NRBP1: variants seen among roughly 807,000 people sequenced by gnomAD.
NRBP1 encodes the protein nuclear receptor-binding protein.
A neutral mutation model predicts 76.0 loss-of-function variants in NRBP1; 10 were observed. That is an observed-to-expected ratio of 0.13 (90% CI 0.08 to 0.22). The LOEUF (loss-of-function observed/expected upper bound fraction) is 0.22, where lower values mean the gene tolerates loss of function less well. Among genes scored for constraint, NRBP1 ranks in the 10% least tolerant of loss-of-function variants. The probability of loss-of-function intolerance (pLI) is 1.00; values close to 1 mark genes in which losing one functional copy is unlikely to be tolerated. For synonymous variants in NRBP1, 235 were observed against 240.2 expected, an observed-to-expected ratio of 0.98 and a Z score of 0.20; for missense variants, 344 against 646.0, an observed-to-expected ratio of 0.53 and a Z score of 5.07.
chr2:27,433,928 C>T, intron 3 of NRBP1, 61 bp from the exon 4 acceptor site: 1 of 1,587,038 alleles, frequency 6.3e-7, no homozygotes, highest in African/African-American at 1.4e-5. Flanking sequence ...TAGGGAATGG[C>T]TTCTCAGGAT....
intron 4 of NRBP1, 107 bp from the exon 5 acceptor site, chr2:27,434,364 G>C: frequency 1.1e-6 from 1 of 873,460 alleles, no homozygotes; most frequent in African/African-American, 1.7e-5. Flanking sequence ...GTAAAGCTAA[G>C]AACAAAAGGA....
chr2:27,434,232 G>T, intron 4 of NRBP1, 142 bp downstream of exon 4: 2 of 762,668 alleles, frequency 2.6e-6, no homozygotes, highest in Non-Finnish European at 2.2e-6. Flanking sequence ...TAAGAGTAGG[G>T]CTTCAGTTGT....
intron 16 of NRBP1, 111 bp from the exon 17 acceptor site, chr2:27,441,456 C>T (rs984884758): frequency 6.9e-7 from 1 of 1,448,230 alleles, no homozygotes; most frequent in East Asian, 2.3e-5. Context: ...TATCTTAGAC[C>T]CTAAAGCAGT....
chr2:27,428,877 C>G (rs1663980482), intron 1 of NRBP1, 146 bp downstream of exon 1: 1 of 397,014 alleles, frequency 2.5e-6, no homozygotes, highest in South Asian at 1.3e-4. Flanking sequence ...CCGATCGGGC[C>G]CTGCCTGCTG....
At chr2:27,436,402 A>G (rs760428199) in intron 7 of NRBP1, 16 of 235,254 alleles carry the variant, frequency 6.8e-5, no homozygotes, top group Non-Finnish European at 1.2e-4. Flanking sequence ...CAGGGATTAG[A>G]GGTACCTGGG....
rs1664554455 is a variant in NRBP1 at position 27,441,444 on chromosome 2, ACTAT to A, written c.1447+117_1448-117del. 3 of 1,417,370 alleles carry A rather than the reference ACTAT, an allele frequency of 2.1e-6. No homozygotes were observed. The East Asian group carries it at 6.8e-5, about 32-fold the overall frequency. 87.8% of individuals were successfully genotyped at this position (1,417,370 alleles called of 1,614,324 possible). A position where few individuals can be genotyped will look rare whatever the true frequency, so the allele number is the denominator to read the frequency against. ...GTAACACATTGACTCACATAGAATG[ACTAT>A]CTTAGACCCTAAAGCAGTGGGTGGA... On this transcript the variant is annotated intron_variant, in intron 16 of 17. Coordinates refer to ENST00000379852, the MANE Select transcript of NRBP1 (RefSeq NM_013392.4).
intron 3 of NRBP1, 71 bp from the exon 4 acceptor site, chr2:27,433,918 T>G: frequency 6.3e-7 from 1 of 1,593,014 alleles, no homozygotes; most frequent in Non-Finnish European, 8.6e-7. Flanking sequence ...TGGGGAGGGA[T>G]AGGGAATGGC....
In NRBP1 at chr2:27,440,416, G is replaced by A. The variant is rs1664490424; in HGVS notation, c.1050G>A (p.Glu350=). The A allele has an allele frequency of 6.2e-7, 1 of 1,611,928 alleles. No individual in the cohort carries two copies. Among genetic ancestry groups the A allele is most frequent in the East Asian group, 2.2e-5 (1 of 44,856 alleles). The part of the protein sequence containing the change: ...CIVGHQHMIP[E]NALEEITKNM... ...CATGCCCTCCAGACATGATCCCAGA[G>A]AACGCTCTAGAGGAGATCACCAAAA... is the stretch of plus-strand genomic sequence containing the variant. The change falls in exon 12 of 18, where the codon GAG becomes GAA. Residue 350 remains glutamate, a synonymous_variant. Transcript: ENST00000379852.
chr2:27,428,527 G>A (rs1035778060), upstream of NRBP1: 5 of 395,942 alleles, frequency 1.3e-5, no homozygotes, highest in Middle Eastern at 1.3e-3. Context: ...GAACGCCCGA[G>A]GGCCGGGCCC....
At chr2:27,428,427 C>A (rs1321911657), upstream of NRBP1, 3 of 381,822 alleles carry the variant, frequency 7.9e-6, no homozygotes, top group African/African-American at 4.2e-5. Flanking sequence ...GAGAGACGAG[C>A]CCCAGCTGGG....
intron 6 of NRBP1, 52 bp downstream of exon 6, chr2:27,434,814 C>A: frequency 6.5e-7 from 1 of 1,549,566 alleles, no homozygotes; most frequent in African/African-American, 1.4e-5. Context: ...GTAGTTACTC[C>A]AAACAGATTT....
intron 10 of NRBP1, among the ~76,000 whole-genome samples, chr2:27,439,216 G>A (rs943364920): frequency 1.3e-5 from 2 of 152,060 alleles, no homozygotes; most frequent in Non-Finnish European, 2.9e-5. Flanking sequence ...GGCCGGGCGC[G>A]GTGTCTCATG....
chr2:27,440,648 C>T lies in NRBP1; in HGVS notation c.1143-4C>T, dbSNP rs1230604993. ...TTCCATCTCCTTTCTCTTTTCTCGT[C>T]CAGGTACTCTCAGTCACCAGCTCTG... On this transcript the variant is annotated splice_region_variant and splice_polypyrimidine_tract_variant and intron_variant, in intron 12 of 17. Transcript: ENST00000379852. The T allele has an allele frequency of 1.2e-6, 2 of 1,614,120 alleles. No homozygotes were observed. The highest frequency in any genetic ancestry group is 1.7e-6 in the Non-Finnish European group (2 of 1,180,002).
chr2:27,439,991 GATTCTTTTTTTTTTTTTTT>G, intron 11 of NRBP1, 93 bp downstream of exon 11: 1 of 356,802 alleles, frequency 2.8e-6, no homozygotes, highest in Non-Finnish European at 4.5e-6. Context: ...TTTCCAAAGG[GATTCTTTTTTTTTTTTTTT>G]TTTTTTTTTT....
Position 27,436,740 on chromosome 2 carries a change from C to T in NRBP1, c.662-13C>T. On this transcript the variant is annotated splice_polypyrimidine_tract_variant and intron_variant, in intron 7 of 17. Transcript: ENST00000379852. ...GATGATGGTCAGATTGTGGGTGTCT[C>T]CCCTACTCCCAGTGGCTCCTGACAC... 6.2e-7 allele frequency: 1 copy of T among 1,609,318 alleles called. No individual in the cohort carries two copies. Among genetic ancestry groups the T allele is most frequent in the South Asian group, 1.1e-5 (1 of 90,980 alleles).
intron 1 of NRBP1, among the ~76,000 whole-genome samples, chr2:27,430,470 T>TC (rs1664068044): frequency 9.8e-6 from 1 of 102,120 alleles, no homozygotes; most frequent in Non-Finnish European, 2.0e-5. Context: ...TCTTTTTTTC[T>TC]TTTTTTTTTT....
At chr2:27,436,960 C>T in intron 8 of NRBP1, 87 bp from the exon 9 acceptor site, 2 of 1,457,104 alleles carry the variant, frequency 1.4e-6, no homozygotes, top group East Asian at 2.3e-5. Context: ...AAATATTTTT[C>T]TTTTCTTTTT....
rs376681737 is a variant in NRBP1, at chr2:27,440,497, A to C, written c.1131A>C (p.Pro377=). ...TCCCTGCAGGACCAGGAAGAGAACC[A>C]GTTCAGACTTTGTGAGTAACTGAGA... ...AEIPAGPGRE[P]VQTLYSQSPA... The change falls in exon 12 of 18, where the codon CCA becomes CCC. Residue 377 remains proline (P), a synonymous_variant. Transcript: ENST00000379852. 6.2e-7 allele frequency: 1 copy of C among 1,613,818 alleles called. No individual in the cohort carries two copies. Among genetic ancestry groups the C allele is most frequent in the Non-Finnish European group, 8.5e-7 (1 of 1,179,680 alleles).
intron 11 of NRBP1, 143 bp downstream of exon 11, chr2:27,440,041 T>G (rs1308171382): frequency 5.7e-6 from 4 of 704,332 alleles, no homozygotes; most frequent in Non-Finnish European, 8.5e-6. Flanking sequence ...TGAGACAGAG[T>G]CTCACTCTCT....
Sources: gnomAD v4.1 joint callset for allele counts (sites outside exome capture counted in the v4.1 genomes callset) on GRCh38, gnomAD v4.1.1 for gene constraint, MANE v1.5 for transcripts, NCBI Gene and HGNC (gene_info 2026-07-23, HGNC 2026-07-21) for gene names.